The following CFAP20DC variants were observed in gnomAD, a reference collection of about 807,000 sequenced individuals.
CFAP20DC encodes protein CFAP20DC.
A neutral mutation model predicts 101.7 loss-of-function variants in CFAP20DC; 84 were observed. The observed-to-expected ratio is 0.83, with a 90% CI of 0.69 to 0.99. The LOEUF (loss-of-function observed/expected upper bound fraction) is 0.99. Ranked by LOEUF, CFAP20DC falls within the 50% of genes least tolerant of loss-of-function variation. The pLI is 0.00. For synonymous variants in CFAP20DC, 359 were observed against 351.2 expected (o/e 1.02, Z -0.25); for missense variants, 1,007 against 970.3 (o/e 1.04, Z -0.50).
chr3:58,787,589 C>A (rs2107612379), intron 15 of CFAP20DC, among the ~76,000 whole-genome samples: 1 of 152,146 alleles, frequency 6.6e-6, no homozygotes, highest in African/African-American at 2.4e-5. Flanking sequence ...GTGGCGATTC[C>A]TCAAGGATCT....
intron 15 of CFAP20DC, among the ~76,000 whole-genome samples, chr3:58,776,634 C>T (rs762977019): frequency 6.7e-6 from 1 of 149,922 alleles, no homozygotes; most frequent in African/African-American, 2.5e-5. Context: ...GAGAACTACT[C>T]ATTTCCCAGG....
chr3:58,880,836 G>GT (rs759500501), intron 7 of CFAP20DC, among the ~76,000 whole-genome samples: 18 of 152,048 alleles, frequency 1.2e-4, no homozygotes, highest in Admixed American at 3.9e-4. Context: ...TGATTCAAAC[G>GT]TAAGAGATGA....
rs192211622 is a variant in CFAP20DC, at chr3:58,864,913, T to C, written c.1259-1021A>G. 6.6e-6 allele frequency among the ~76,000 whole-genome samples: 1 copy of C among 152,294 alleles called. No homozygotes were observed. Among genetic ancestry groups the C allele is most frequent in the East Asian group, 1.9e-4 (1 of 5,188 alleles). On this transcript the variant is annotated intron_variant, in intron 11 of 16. Transcript: ENST00000482387. This position sits in a 1 kb window ranked among gnomAD's most constrained non-coding sequence, Gnocchi z 4.7. ...ATACCATACACTACAGGGAAATATATATTTTTTCAAAACTTTTAAAGACTT... is the reference window on the plus strand; with the variant it reads ...ATACCATACACTACAGGGAAATATACATTTTTTCAAAACTTTTAAAGACTT...
intron 7 of CFAP20DC, among the ~76,000 whole-genome samples, 169 bp from the exon 8 acceptor site, chr3:58,870,478 A>G (rs550489063): frequency 1.9e-4 from 28 of 150,700 alleles, no homozygotes; most frequent in African/African-American, 6.6e-4. Flanking sequence ...AGAGATACAT[A>G]CAAGACGTAT....
rs529968624 is a variant in CFAP20DC, at chr3:58,831,861, C to T, written c.2000G>A (p.Ser667Asn). 12 of 1,614,072 alleles carry T rather than the reference C, an allele frequency of 7.4e-6. No homozygotes were observed. The highest frequency in any genetic ancestry group is 1.7e-5 in the Admixed American group (1 of 59,982). The part of the protein sequence containing the change: ...SEYDWRNYQP[S>N]QMSESELQML... ...CTGTAACTCGGATTCACTCATCTGG[C>T]TTGGCTGATAGTTTCGCCAGTCATA... Residue 667 changes from serine (S) to asparagine (N), a missense_variant, in exon 14 of 17, where the codon AGC becomes AAC. Transcript: ENST00000482387.
chr3:58,909,906 C>T (rs1559806899), intron 6 of CFAP20DC, among the ~76,000 whole-genome samples: 1 of 152,046 alleles, frequency 6.6e-6, no homozygotes. Flanking sequence ...CCCAACAGGC[C>T]CCAGTGTGTG....
At chr3:58,870,866 G>A (rs1233662414) in intron 7 of CFAP20DC, among the ~76,000 whole-genome samples, 2 of 120,488 alleles carry the variant, frequency 1.7e-5, no homozygotes, top group African/African-American at 3.2e-5. Context: ...CCGCAGTCCG[G>A]CCTGGGCGAC....
chr3:58,762,348 G>A (rs1202044291), intron 15 of CFAP20DC, among the ~76,000 whole-genome samples: 2 of 152,020 alleles, frequency 1.3e-5, no homozygotes, highest in East Asian at 1.9e-4. Context: ...TATCAGGGAT[G>A]AGGATTGCAA....
intron 3 of CFAP20DC, chr3:58,734,652 A>G (rs1216076025): frequency 4.5e-6 from 2 of 447,030 alleles, no homozygotes; most frequent in African/African-American, 4.0e-5. Flanking sequence ...GCAGGTGCCT[A>G]TGGTCCCCAA....
At chr3:58,950,688 T>C (rs2090001011) in intron 4 of CFAP20DC, among the ~76,000 whole-genome samples, 1 of 152,172 alleles carries the variant, frequency 6.6e-6, no homozygotes, top group Non-Finnish European at 1.5e-5. Context: ...CAAATGGTGC[T>C]GGGAAAACTG....
At chr3:58,881,902 C>T (rs942851114) in intron 7 of CFAP20DC, among the ~76,000 whole-genome samples, 2 of 152,098 alleles carry the variant, frequency 1.3e-5, no homozygotes, top group Non-Finnish European at 2.9e-5. Context: ...TTTCAAATGG[C>T]TTACACAAAG....
intron 15 of CFAP20DC, among the ~76,000 whole-genome samples, chr3:58,757,418 T>C (rs2069065504): frequency 6.6e-6 from 1 of 152,064 alleles, no homozygotes; most frequent in African/African-American, 2.4e-5. Flanking sequence ...TATATATGAT[T>C]GTTCACATCT....
chr3:58,809,861 T>C (rs899424113), intron 14 of CFAP20DC, among the ~76,000 whole-genome samples: 3 of 151,822 alleles, frequency 2.0e-5, no homozygotes, highest in Non-Finnish European at 4.4e-5. Flanking sequence ...TAAAAAATGA[T>C]AAAGGGGATA....
At chr3:58,810,326 CCAG>C (rs2074504220) in intron 14 of CFAP20DC, among the ~76,000 whole-genome samples, 1 of 152,106 alleles carries the variant, frequency 6.6e-6, no homozygotes, top group Non-Finnish European at 1.5e-5. Context: ...CAAACCAAAT[CCAG>C]CAGCATATCA....
intron 5 of CFAP20DC, among the ~76,000 whole-genome samples, chr3:58,936,237 C>A (rs915129342): frequency 6.6e-6 from 1 of 152,034 alleles, no homozygotes; most frequent in Admixed American, 6.5e-5. Flanking sequence ...CCATCTCACA[C>A]CAGTTAGAAT....
intron 15 of CFAP20DC, among the ~76,000 whole-genome samples, chr3:58,784,495 C>G (rs2072139953): frequency 6.6e-6 from 1 of 152,030 alleles, no homozygotes; most frequent in African/African-American, 2.4e-5. Context: ...AACAAATCTG[C>G]ACATGTATCC....
chr3:58,728,712 CG>C lies in CFAP20DC; in HGVS notation c.198-11085del, dbSNP rs1457991438. Among the ~76,000 whole-genome samples the C allele has an allele frequency of 6.6e-6, 1 of 152,096 alleles. No individual in the cohort carries two copies. The highest frequency in any genetic ancestry group is 2.4e-5 in the African/African-American group (1 of 41,410). Reference sequence around the variant, plus strand: ...TGGTAAATGCATGAACTCTACACACCGTATTGGAGAGAACTGACATTTTAAT... The same window carrying C: ...TGGTAAATGCATGAACTCTACACACCTATTGGAGAGAACTGACATTTTAAT... On this transcript the variant is annotated intron_variant, in intron 3 of 3. Transcript: ENST00000486145. This position sits in a 1 kb window ranked among gnomAD's most constrained non-coding sequence, Gnocchi z 4.7.
intron 4 of CFAP20DC, among the ~76,000 whole-genome samples, chr3:58,948,803 T>C (rs2089703676): frequency 6.6e-6 from 1 of 152,230 alleles, no homozygotes. Context: ...GCTGGCCTCT[T>C]AAAATGAGTT....
chr3:59,039,238 C>T (rs866576030), intron 4 of CFAP20DC, among the ~76,000 whole-genome samples: 2 of 151,998 alleles, frequency 1.3e-5, no homozygotes, highest in Admixed American at 6.6e-5. Flanking sequence ...AACATAACAT[C>T]GCCCTTCATT....
Sources: gnomAD v4.1 joint callset for allele counts (sites outside exome capture counted in the v4.1 genomes callset) on GRCh38, gnomAD v4.1.1 for gene constraint, Gnocchi (gnomAD v3.1) non-coding constraint, MANE v1.5 for transcripts, NCBI Gene and HGNC (gene_info 2026-07-23, HGNC 2026-07-21) for gene names.